The following ARHGAP10 variants were observed in gnomAD, a reference collection of about 807,000 sequenced individuals.
The protein encoded by ARHGAP10 is Rho GTPase activating protein 10.
ARHGAP10 carries 87 observed loss-of-function variants against 108.6 expected under a neutral mutation model. That is an observed-to-expected ratio of 0.80 (90% CI 0.67 to 0.96). The LOEUF is 0.96. Ranked by LOEUF, ARHGAP10 falls within the 40% of genes least tolerant of loss-of-function variation. The pLI, the probability that ARHGAP10 is intolerant of heterozygous loss-of-function variation, is 0.00. For synonymous variants in ARHGAP10, 347 were observed against 341.1 expected, an observed-to-expected ratio of 1.02 and a Z score of -0.19; for missense variants, 939 against 954.5, an observed-to-expected ratio of 0.98 and a Z score of 0.21.
At chr4:147,753,736 G>C (rs536547106) in intron 1 of ARHGAP10, among the ~76,000 whole-genome samples, 2 of 152,242 alleles carry the variant, frequency 1.3e-5, no homozygotes, top group Admixed American at 6.5e-5. Context: ...ATATTTGAGA[G>C]AATGATTTTT....
intron 19 of ARHGAP10, among the ~76,000 whole-genome samples, chr4:148,039,909 A>C (rs186289079): frequency 6.6e-6 from 1 of 151,982 alleles, no homozygotes; most frequent in Non-Finnish European, 1.5e-5. Context: ...TTTCACTTCT[A>C]TTCTCTATAT....
At chr4:147,798,540 G>T (rs1731408591) in intron 1 of ARHGAP10, among the ~76,000 whole-genome samples, 1 of 151,792 alleles carries the variant, frequency 6.6e-6, no homozygotes, top group African/African-American at 2.4e-5. Flanking sequence ...ATGACTTTGG[G>T]CAGCCTAGGT....
At chr4:147,860,122 C>T (rs2078941163) in intron 5 of ARHGAP10, among the ~76,000 whole-genome samples, 1 of 152,172 alleles carries the variant, frequency 6.6e-6, no homozygotes, top group Non-Finnish European at 1.5e-5. Flanking sequence ...GTACATAATT[C>T]ATTCTCTCCT....
At position 147,946,602 on chromosome 4, in the gene ARHGAP10, T is replaced by G; in HGVS notation, c.1304-15T>G. 6.2e-7 allele frequency: 1 copy of G among 1,607,704 alleles called. No homozygotes were observed. Among genetic ancestry groups the G allele is most frequent in the Admixed American group, 1.7e-5 (1 of 58,918 alleles). On this transcript the variant is annotated splice_polypyrimidine_tract_variant and intron_variant, in intron 14 of 22. Transcript: ENST00000336498. ...AAGGTTTTAATTATTTTTTTCTTGT[T>G]TGCTTGCTCACTAGATGTAAAAACA...
intron 18 of ARHGAP10, among the ~76,000 whole-genome samples, chr4:148,001,580 T>C (rs537356893): frequency 1.3e-4 from 20 of 151,902 alleles, no homozygotes; most frequent in Non-Finnish European, 1.5e-5. Context: ...TGTGTCCTCT[T>C]TTATTTCATT....
intron 13 of ARHGAP10, among the ~76,000 whole-genome samples, chr4:147,930,633 T>C (rs1271370753): frequency 6.6e-6 from 1 of 152,234 alleles, no homozygotes; most frequent in East Asian, 1.9e-4. Flanking sequence ...TTAAATGTTA[T>C]GTAATTTCTA....
intron 19 of ARHGAP10, among the ~76,000 whole-genome samples, chr4:148,026,456 C>T (rs575467782): frequency 7.2e-5 from 11 of 152,202 alleles, no homozygotes; most frequent in South Asian, 2.1e-4. Context: ...CTAAATAAAC[C>T]GAGTGTCTTT....
rs547956087 is a variant in ARHGAP10, at chr4:147,864,853, T to C, written c.494T>C (p.Ile165Thr). 1 of 1,613,450 alleles carries C rather than the reference T, an allele frequency of 6.2e-7. No homozygotes were observed. The highest frequency in any genetic ancestry group is 8.5e-7 in the Non-Finnish European group (1 of 1,179,718). Reference sequence around the variant, plus strand: ...TCTGTGATTTTAACATAGGCAGATATCCAAGTAGAGCAGAACCGGCAACAC... The same window carrying C: ...TCTGTGATTTTAACATAGGCAGATACCCAAGTAGAGCAGAACCGGCAACAC... ...KKDSHLQEAD[I>T]QVEQNRQHFY... The change falls in exon 6 of 23, where the codon ATC becomes ACC. Residue 165 changes from isoleucine to threonine, a missense_variant. Physicochemically the swap from Ile to Thr is moderately conservative, Grantham distance 89. Transcript: ENST00000336498.
chr4:147,922,418 G>A (rs1422412763), intron 13 of ARHGAP10, among the ~76,000 whole-genome samples: 14 of 151,186 alleles, frequency 9.3e-5, no homozygotes, highest in Middle Eastern at 3.5e-3. Context: ...GGCCGGGCGC[G>A]GTGGCTCACG....
chr4:147,869,593 A>C (rs200844477), intron 7 of ARHGAP10, among the ~76,000 whole-genome samples: 1 of 151,292 alleles, frequency 6.6e-6, no homozygotes, highest in Non-Finnish European at 1.5e-5. Context: ...AAAAAAAAAA[A>C]GCCTTTTTTG....
chr4:147,821,926 G>A (rs1039141771), intron 1 of ARHGAP10, among the ~76,000 whole-genome samples: 1 of 152,184 alleles, frequency 6.6e-6, no homozygotes, highest in Non-Finnish European at 1.5e-5. Flanking sequence ...TTGTAGCTGT[G>A]CCAACCTTAT....
chr4:148,043,841 G>T (rs1728762761), intron 19 of ARHGAP10, among the ~76,000 whole-genome samples: 1 of 148,330 alleles, frequency 6.7e-6, no homozygotes, highest in South Asian at 2.1e-4. Flanking sequence ...TATTTTTTAA[G>T]TTTTATTATT....
intron 1 of ARHGAP10, among the ~76,000 whole-genome samples, chr4:147,810,250 T>C (rs1011803481): frequency 3.3e-5 from 5 of 152,262 alleles, no homozygotes; most frequent in African/African-American, 1.2e-4. Context: ...TGGCAAAAAC[T>C]GTTATTTAAA....
intron 7 of ARHGAP10, among the ~76,000 whole-genome samples, chr4:147,872,852 T>C (rs1048178718): frequency 2.6e-5 from 4 of 152,188 alleles, no homozygotes; most frequent in Admixed American, 6.5e-5. Flanking sequence ...GGAAAATCCA[T>C]GTATAAGTAG....
chr4:147,877,210 A>G (rs1246488564), intron 8 of ARHGAP10, among the ~76,000 whole-genome samples: 10 of 150,644 alleles, frequency 6.6e-5, no homozygotes, highest in Non-Finnish European at 1.5e-5. Context: ...AGACAGTATC[A>G]TCCTCTCTGG....
In ARHGAP10 at chr4:147,985,747, A is replaced by T. The variant is rs1409858984; in HGVS notation, c.1716+18908A>T. Among the ~76,000 whole-genome samples the T allele has an allele frequency of 3.3e-5, 5 of 152,308 alleles. No individual in the cohort carries two copies. The East Asian group carries it at 7.7e-4, about 23-fold the overall frequency. The stretch of plus-strand genomic sequence containing the variant: ...GTCATTCCTGGTTCTGAGAAAATAC[A>T]TGCAGCTTTTCTCAGTGTGTCCGTC... On this transcript the variant is annotated intron_variant, in intron 18 of 22. Coordinates refer to ENST00000336498, the MANE Select transcript of ARHGAP10 (RefSeq NM_024605.4).
chr4:147,810,631 A>C (rs1188724558), intron 1 of ARHGAP10, among the ~76,000 whole-genome samples: 1 of 152,212 alleles, frequency 6.6e-6, no homozygotes, highest in Non-Finnish European at 1.5e-5. Flanking sequence ...GAAGTAACAC[A>C]ACTGTAAACC....
At position 147,879,325 on chromosome 4, in the gene ARHGAP10, C is replaced by T. The variant is rs764582015; in HGVS notation, c.926C>T (p.Ser309Phe). 2 of 1,613,438 alleles carry T rather than the reference C, an allele frequency of 1.2e-6. No individual in the cohort carries two copies. Among genetic ancestry groups the T allele is most frequent in the Admixed American group, 1.7e-5 (1 of 59,956 alleles). Reference protein sequence around the residue: ...KFNMIPFEHRSGGKLGDGEVF... With the variant: ...KFNMIPFEHRFGGKLGDGEVF... ...AACATGATCCCATTTGAGCACAGAT[C>T]TGGAGGGAAACTTGTAAGTATTTGA... Residue 309 changes from serine (S) to phenylalanine (F), a missense_variant, in exon 9 of 23, where the codon TCT becomes TTT. By Grantham distance (155) the Ser-to-Phe change is radical (BLOSUM62 -2). Coordinates refer to ENST00000336498, the MANE Select transcript of ARHGAP10 (RefSeq NM_024605.4).
chr4:147,750,335 G>T lies in ARHGAP10; in HGVS notation c.154+17880G>T, dbSNP rs575004137. 1.4e-4 allele frequency among the ~76,000 whole-genome samples: 22 copies of T among 152,246 alleles called. 1 individual carries two copies. The South Asian group carries it at 4.6e-3, about 32-fold the overall frequency. ...GGTGTTTAATTTCTTTCTGACTGTGGCGTCAGTTTAATGAATGCATACCAA... is the reference window on the plus strand; with the variant it reads ...GGTGTTTAATTTCTTTCTGACTGTGTCGTCAGTTTAATGAATGCATACCAA... On this transcript the variant is annotated intron_variant, in intron 1 of 22. Transcript: ENST00000336498.
Sources: allele counts gnomAD v4.1 joint callset (sites outside exome capture counted in the v4.1 genomes callset), GRCh38; gene constraint gnomAD v4.1.1; transcripts MANE v1.5; gene names NCBI Gene and HGNC (gene_info 2026-07-23, HGNC 2026-07-21).